Variants in ARHGAP9 observed in about 807,000 individuals in gnomAD.
ARHGAP9 encodes Rho GTPase activating protein 9.
In ARHGAP9, 76 loss-of-function variants were observed where a neutral mutation model predicts 87.3. The observed-to-expected ratio is 0.87, with a 90% confidence interval of 0.72 to 1.05. The LOEUF is 1.05. Ranked by LOEUF, ARHGAP9 falls within the 50% of genes least tolerant of loss-of-function variation. ARHGAP9 has a pLI of 0.00. For synonymous variants in ARHGAP9, 382 were observed against 394.9 expected (o/e 0.97, Z 0.39); for missense variants, 941 against 960.5 (o/e 0.98, Z 0.27).
Position 57,477,297 on chromosome 12 carries a change from T to C in ARHGAP9, c.757-28A>G, listed in dbSNP as rs1594783533. The C allele has an allele frequency of 3.9e-6, 6 of 1,536,136 alleles. No individual in the cohort carries two copies. In the East Asian group the frequency reaches 1.4e-4, roughly 35 times the overall value. The stretch of plus-strand genomic sequence containing the variant: ...GGGTTAGGGGAGGAGGAAATAAAGC[T>C]ACATCCAGATGCCACCTCTACCCAC... On this transcript the variant is annotated intron_variant, in intron 4 of 17. Transcript: ENST00000393791.
Position 57,476,640 on chromosome 12 carries a change from C to T in ARHGAP9, c.975G>A (p.Lys325=). The T allele has an allele frequency of 6.2e-7, 1 of 1,613,464 alleles. No homozygotes were observed. The highest frequency in any genetic ancestry group is 8.5e-7 in the Non-Finnish European group (1 of 1,179,774). The change falls in exon 7 of 18, where the codon AAG becomes AAA. Residue 325 remains lysine (K), a synonymous_variant. Transcript: ENST00000393791. ...TCTTGGTCATGTTGAGCAGACCCGA[C>T]TTTTCCACCTCCTGGGAAGTGGAGG... ...QLLDDPHEVE[K]SGLLNMTKIA...
chr12:57,486,442 G>C (rs1565634200), intron 1 of ARHGAP9, among the ~76,000 whole-genome samples: 1 of 151,698 alleles, frequency 6.6e-6, no homozygotes, highest in Non-Finnish European at 1.5e-5. Context: ...GCTAATTTTT[G>C]TATTTTCACT....
chr12:57,481,845 A>G (rs56927606), upstream of ARHGAP9, among the ~76,000 whole-genome samples: 2,621 of 152,040 alleles, frequency 0.017, 67 homozygotes, highest in African/African-American at 0.055. Flanking sequence ...TGTTCCTTAA[A>G]CCACAGAAGC....
In ARHGAP9 at chr12:57,476,900, G is replaced by A; in HGVS notation, c.934C>T (p.Pro312Ser). The change falls in exon 6 of 18, where the codon CCT (proline) becomes TCT (serine). Residue 312 changes from proline to serine, a missense_variant. Pro to Ser is a moderately conservative substitution (Grantham distance 74). Coordinates refer to ENST00000393791, the MANE Select transcript of ARHGAP9 (RefSeq NM_032496.4). ...LDPPALQAPRPLPQLLDDPHE... is the reference protein window; with the variant it reads ...LDPPALQAPRSLPQLLDDPHE... ...GGGTCGTCCAGGAGCTGCGGCAGAG[G>A]TCGAGGGGCCTGCAAGGCTGGAGGG... 1 of 1,613,998 alleles carries A rather than the reference G, an allele frequency of 6.2e-7. No individual in the cohort carries two copies. Among genetic ancestry groups the A allele is most frequent in the Non-Finnish European group, 8.5e-7 (1 of 1,179,968 alleles).
At chr12:57,482,302 G>C (rs142584588), upstream of ARHGAP9, among the ~76,000 whole-genome samples, 1 of 151,628 alleles carries the variant, frequency 6.6e-6, no homozygotes, top group Non-Finnish European at 1.5e-5. Context: ...GTGCAGTGGC[G>C]TGATCTCGGC....
At chr12:57,475,649 G>A in intron 10 of ARHGAP9, 34 bp from the exon 11 acceptor site, 1 of 1,599,384 alleles carries the variant, frequency 6.3e-7, no homozygotes. Flanking sequence ...GAAGGTGAGA[G>A]AGGAGAGAAA....
intron 3 of ARHGAP9, 80 bp downstream of exon 3, chr12:57,478,460 C>G: frequency 7.3e-7 from 1 of 1,377,650 alleles, no homozygotes; most frequent in Non-Finnish European, 1.0e-6. Context: ...TTTGTCATCC[C>G]CAGGGGAGTC....
chr12:57,483,483 C>G (rs1875174124), upstream of ARHGAP9, among the ~76,000 whole-genome samples: 1 of 152,164 alleles, frequency 6.6e-6, no homozygotes, highest in Non-Finnish European at 1.5e-5. Context: ...ACACATATGC[C>G]CTGCTACTCT....
intron 6 of ARHGAP9, 92 bp from the exon 7 acceptor site, chr12:57,476,743 C>T: frequency 6.4e-7 from 1 of 1,555,212 alleles, no homozygotes; most frequent in Non-Finnish European, 8.8e-7. Context: ...AGTGAAGTCC[C>T]TTAAAGTTGC....
At chr12:57,487,340 A>C (rs1296079880) in intron 1 of ARHGAP9, 1 of 152,030 alleles carries the variant, frequency 6.6e-6, no homozygotes, top group East Asian at 1.9e-4. Flanking sequence ...CTTTGTCACT[A>C]ATTCCGCACA....
upstream of ARHGAP9, among the ~76,000 whole-genome samples, chr12:57,480,532 G>C (rs1874906509): frequency 6.6e-6 from 1 of 152,182 alleles, no homozygotes; most frequent in South Asian, 2.1e-4. Context: ...CGTGCAAGGA[G>C]CAGTGTCAGG....
intron 12 of ARHGAP9, 123 bp downstream of exon 12, chr12:57,475,168 C>T: frequency 8.4e-7 from 1 of 1,192,502 alleles, no homozygotes; most frequent in African/African-American, 1.5e-5. Flanking sequence ...CCAGCTTCTC[C>T]CCTAAACAAT....
Position 57,477,178 on chromosome 12 carries a change from G to T in ARHGAP9, c.848C>A (p.Thr283Asn). Residue 283 changes from threonine to asparagine, a missense_variant, in exon 5 of 18, where the codon ACC (threonine) becomes AAC (asparagine). By Grantham distance (65) the Thr-to-Asn change is moderately conservative. Coordinates refer to ENST00000393791, the MANE Select transcript of ARHGAP9 (RefSeq NM_032496.4). ...QAKGFRSDTG[T>N]PEPLDPQGSL... Reference sequence around the variant, plus strand: ...CACCTGTGGGTCAAGCGGTTCTGGGGTCCCTGTGTCAGATCTGAAGCCCTT... The same window carrying T: ...CACCTGTGGGTCAAGCGGTTCTGGGTTCCCTGTGTCAGATCTGAAGCCCTT... 4 of 1,613,106 alleles carry T rather than the reference G, an allele frequency of 2.5e-6. No homozygotes were observed. Among genetic ancestry groups the T allele is most frequent in the Non-Finnish European group, 3.4e-6 (4 of 1,179,450 alleles).
chr12:57,482,350 C>G (rs1345773080), upstream of ARHGAP9, among the ~76,000 whole-genome samples: 1 of 152,038 alleles, frequency 6.6e-6, no homozygotes, highest in Non-Finnish European at 1.5e-5. Flanking sequence ...ATGCCATTCT[C>G]CTGCCTCATT....
At chr12:57,474,556 C>T (rs962667515) in intron 14 of ARHGAP9, 70 bp downstream of exon 14, 9 of 1,612,938 alleles carry the variant, frequency 5.6e-6, no homozygotes, top group Non-Finnish European at 7.6e-6. Flanking sequence ...CCAGCTTCCT[C>T]ATGTAGGACC....
At chr12:57,484,040 CAAAAAAAAAAAA>C (rs746542310), upstream of ARHGAP9, 2 of 40,738 alleles carry the variant, frequency 4.9e-5, no homozygotes, top group South Asian at 4.2e-4. Flanking sequence ...GACCCTGTCT[CAAAAAAAAAAAA>C]AAAAAAAAAA....
At position 57,477,647 on chromosome 12, in the gene ARHGAP9, CAG is replaced by C. The variant is rs947741080; in HGVS notation, c.566_567del (p.Pro189ArgfsTer4). On this transcript the variant is annotated frameshift_variant, in exon 4 of 18. Transcript: ENST00000393791. LOFTEE classifies it high-confidence loss of function. ...AGPQPLMSEP[P>X]VYCNLVDLRR... Reference sequence around the variant, plus strand: ...CGAAGGTCCACCAGGTTACAGTACACAGGGGGCTCTGACATGAGGGGCTGGGG... The same window carrying C: ...CGAAGGTCCACCAGGTTACAGTACACGGGGCTCTGACATGAGGGGCTGGGG... 1.9e-6 allele frequency: 3 copies of C among 1,613,068 alleles called. No homozygotes were observed. Among genetic ancestry groups the C allele is most frequent in the African/African-American group, 1.3e-5 (1 of 74,780 alleles).
chr12:57,472,571 G>T lies in ARHGAP9; in HGVS notation c.2142C>A (p.Tyr714Ter), dbSNP rs1339127344. 6.2e-7 allele frequency: 1 copy of T among 1,614,224 alleles called. No homozygotes were observed. Among genetic ancestry groups the T allele is most frequent in the Admixed American group, 1.7e-5 (1 of 60,026 alleles). Residue 714 changes from tyrosine (Y) to a stop codon, truncating the protein, a stop_gained, in exon 18 of 18, where the codon TAC (tyrosine) becomes TAA (stop). Transcript: ENST00000393791. LOFTEE classifies it high-confidence loss of function. ...ETSDPAAHAL[Y>*]PGQLVQLMLT... Reference sequence around the variant, plus strand: ...GCATCAGCTGGACCAGCTGCCCTGGGTAGAGAGCATGGGCTGCTGGGTCAG... The same window carrying T: ...GCATCAGCTGGACCAGCTGCCCTGGTTAGAGAGCATGGGCTGCTGGGTCAG...
chr12:57,488,786 C>G (rs1875678107), exon 1 of ARHGAP9: 1 of 899,664 alleles, frequency 1.1e-6, no homozygotes, highest in Admixed American at 2.2e-5. Flanking sequence ...CCACCACCTC[C>G]TCTGCAGTCC....
Sources: allele counts gnomAD v4.1 joint callset (sites outside exome capture counted in the v4.1 genomes callset), GRCh38; gene constraint gnomAD v4.1.1; transcripts MANE v1.5; gene names NCBI Gene and HGNC (gene_info 2026-07-23, HGNC 2026-07-21).